The following SLC41A2 variants were observed in gnomAD, a reference collection of about 807,000 sequenced individuals.
SLC41A2 encodes SLC41A1-like 1.
A neutral mutation model predicts 58.3 loss-of-function variants in SLC41A2; 32 were observed. The ratio of observed to expected loss-of-function variants is 0.55; its 90% CI spans 0.41 to 0.74. The LOEUF (loss-of-function observed/expected upper bound fraction) is 0.74, where lower values mean the gene tolerates loss of function less well. SLC41A2 is among the 30% of genes least tolerant of loss of function. The pLI is 0.00. For synonymous variants in SLC41A2, 190 were observed against 235.0 expected, an observed-to-expected ratio of 0.81 and a Z score of 1.75; for missense variants, 514 against 680.6, an observed-to-expected ratio of 0.76 and a Z score of 2.72.
At position 104,866,596 on chromosome 12, in the gene SLC41A2, A is replaced by C. The variant is rs1407681477; in HGVS notation, c.1028-17T>G. The C allele has an allele frequency of 3.2e-6, 5 of 1,548,702 alleles. No individual in the cohort carries two copies. The African/African-American group carries it at 5.7e-5, about 18-fold the overall frequency. On this transcript the variant is annotated splice_polypyrimidine_tract_variant and intron_variant, in intron 6 of 10. Transcript: ENST00000258538. ...AATAGGTCTCTAAAATTAAAAAAAA[A>C]AAAAAAAAGAGAGACAACATTTAAA...
At position 104,866,421 on chromosome 12, in the gene SLC41A2, T is replaced by A; in HGVS notation, c.1175+11A>T. The A allele has an allele frequency of 6.2e-7, 1 of 1,604,728 alleles. No individual in the cohort carries two copies. ...ACACACACACACACACACACATATT[T>A]TAATACTAACCTACTTATAACCATA... On this transcript the variant is annotated intron_variant, in intron 7 of 10. Coordinates refer to ENST00000258538, the MANE Select transcript of SLC41A2 (RefSeq NM_001352171.3).
At chr12:104,915,780 G>A (rs1182404784) in intron 2 of SLC41A2, among the ~76,000 whole-genome samples, 1 of 151,810 alleles carries the variant, frequency 6.6e-6, no homozygotes, top group Non-Finnish European at 1.5e-5. Context: ...CTGCCTGATT[G>A]CCCTGGCCAG....
chr12:104,849,287 C>T (rs2042719248), intron 8 of SLC41A2, among the ~76,000 whole-genome samples: 1 of 151,950 alleles, frequency 6.6e-6, no homozygotes, highest in African/African-American at 2.4e-5. Flanking sequence ...TTTTTCAACA[C>T]GTATAATTGT....
rs539187033 is a variant in SLC41A2 at position 104,883,440 on chromosome 12, C to T, written c.1027+2853G>A. Reference sequence around the variant, plus strand: ...TTCAGCTTTTCTGCTCTGGTTTCTCCCCATCTTTGTGGTTTTATCTACCTT... The same window carrying T: ...TTCAGCTTTTCTGCTCTGGTTTCTCTCCATCTTTGTGGTTTTATCTACCTT... On this transcript the variant is annotated intron_variant, in intron 6 of 10. Coordinates refer to ENST00000258538, the MANE Select transcript of SLC41A2 (RefSeq NM_001352171.3). 5.3e-4 allele frequency among the ~76,000 whole-genome samples: 81 copies of T among 152,134 alleles called. No individual in the cohort carries two copies. In the South Asian group the frequency reaches 0.011, roughly 21 times the overall value.
At chr12:104,875,412 C>A (rs1453085144) in intron 6 of SLC41A2, among the ~76,000 whole-genome samples, 1 of 152,214 alleles carries the variant, frequency 6.6e-6, no homozygotes, top group Non-Finnish European at 1.5e-5. Context: ...GCTGGAACTA[C>A]TGGTATGTGC....
intron 6 of SLC41A2, among the ~76,000 whole-genome samples, chr12:104,881,063 A>G (rs977586378): frequency 5.9e-5 from 9 of 152,114 alleles, no homozygotes; most frequent in Non-Finnish European, 1.0e-4. Context: ...TGTGTCCAGG[A>G]ATTTATCCAT....
chr12:104,943,208 A>G (rs1593185166), intron 1 of SLC41A2, among the ~76,000 whole-genome samples: 1 of 152,212 alleles, frequency 6.6e-6, no homozygotes, highest in Non-Finnish European at 1.5e-5. Context: ...AAGGGAGCCA[A>G]TGTATCAATG....
intron 1 of SLC41A2, among the ~76,000 whole-genome samples, chr12:104,942,551 T>A (rs2047553763): frequency 6.6e-6 from 1 of 151,758 alleles, no homozygotes; most frequent in Admixed American, 6.6e-5. Context: ...TCCTCATCAC[T>A]CAGCACCTCC....
chr12:104,939,903 T>C (rs2047432940), intron 1 of SLC41A2, among the ~76,000 whole-genome samples: 1 of 152,142 alleles, frequency 6.6e-6, no homozygotes, highest in Non-Finnish European at 1.5e-5. Context: ...CACCTAGAAA[T>C]AGACTTATTT....
At chr12:104,874,478 G>T (rs1199292168) in intron 6 of SLC41A2, among the ~76,000 whole-genome samples, 2 of 152,128 alleles carry the variant, frequency 1.3e-5, no homozygotes, top group Non-Finnish European at 2.9e-5. Context: ...ATGGCTTCAG[G>T]CGTTATGTTT....
intron 1 of SLC41A2, among the ~76,000 whole-genome samples, chr12:104,940,796 G>A (rs1411350213): frequency 6.6e-6 from 1 of 151,900 alleles, no homozygotes; most frequent in Non-Finnish European, 1.5e-5. Flanking sequence ...GCAGACGCCT[G>A]TAGTCCCACC....
intron 8 of SLC41A2, among the ~76,000 whole-genome samples, chr12:104,846,299 A>G (rs994003229): frequency 2.0e-5 from 3 of 152,256 alleles, no homozygotes; most frequent in Non-Finnish European, 4.4e-5. Context: ...GACAGGGAAG[A>G]TAAGCTGGAC....
chr12:104,855,778 T>C (rs1464604245), intron 8 of SLC41A2, among the ~76,000 whole-genome samples: 1 of 152,048 alleles, frequency 6.6e-6, no homozygotes, highest in Non-Finnish European at 1.5e-5. Context: ...ATAGAGACGA[T>C]AAGGGAGAGG....
intron 10 of SLC41A2, among the ~76,000 whole-genome samples, chr12:104,841,494 C>T (rs1177741697): frequency 2.0e-5 from 3 of 151,756 alleles, no homozygotes; most frequent in Admixed American, 6.6e-5. Context: ...AATGAGTAAA[C>T]AAAGATCCTA....
intron 10 of SLC41A2, among the ~76,000 whole-genome samples, chr12:104,843,330 T>A (rs1255256906): frequency 2.3e-4 from 34 of 150,806 alleles, no homozygotes; most frequent in Admixed American, 2.2e-3. Flanking sequence ...ATGAATAAAT[T>A]AATTAATTAT....
chr12:104,804,183 A>G lies in SLC41A2; in HGVS notation c.*969T>C, dbSNP rs2040811684. On this transcript the variant is annotated 3_prime_UTR_variant, in exon 11 of 11. Transcript: ENST00000258538. ...AAAAAAAAAAAAGAATATAGGTAAC[A>G]AATAGTAAATTCTGGTCAGCAGCAA... The G allele has an allele frequency of 6.6e-6, 1 of 151,592 alleles. No individual in the cohort carries two copies. The highest frequency in any genetic ancestry group is 2.1e-4 in the South Asian group (1 of 4,824). 9.4% of individuals were successfully genotyped at this position (151,592 alleles called of 1,614,324 possible). A position where few individuals can be genotyped will look rare whatever the true frequency, so the allele number is the denominator to read the frequency against.
At chr12:104,944,590 G>A (rs1157087691) in intron 1 of SLC41A2, among the ~76,000 whole-genome samples, 1 of 152,066 alleles carries the variant, frequency 6.6e-6, no homozygotes, top group African/African-American at 2.4e-5. Context: ...CTTTGGTCAG[G>A]GCTGAGCACT....
At chr12:104,809,564 A>G (rs1422765250) in intron 10 of SLC41A2, among the ~76,000 whole-genome samples, 1 of 152,204 alleles carries the variant, frequency 6.6e-6, no homozygotes, top group Non-Finnish European at 1.5e-5. Context: ...AATCATATAA[A>G]GTTTTGCTAG....
At chr12:104,904,136 G>C (rs1400794373) in intron 3 of SLC41A2, among the ~76,000 whole-genome samples, 5 of 152,126 alleles carry the variant, frequency 3.3e-5, no homozygotes. Flanking sequence ...AAACAGACTG[G>C]TGTTTTAAAT....
Sources: gnomAD v4.1 joint callset for allele counts (sites outside exome capture counted in the v4.1 genomes callset) on GRCh38, gnomAD v4.1.1 for gene constraint, MANE v1.5 for transcripts, NCBI Gene and HGNC (gene_info 2026-07-23, HGNC 2026-07-21) for gene names.